The following GARNL3 variants were observed in gnomAD, a reference collection of about 807,000 sequenced individuals.
The protein encoded by GARNL3 is GTPase activating Rap/RanGAP domain like 3.
Under a neutral mutation model 125.0 loss-of-function variants are expected in GARNL3, and 63 were observed. The observed-to-expected ratio is 0.50, with a 90% CI of 0.41 to 0.62. The LOEUF (loss-of-function observed/expected upper bound fraction) is 0.62. Among genes scored for constraint, GARNL3 ranks in the 20% least tolerant of loss-of-function variants. The pLI is 0.00. For synonymous variants in GARNL3, 439 were observed against 457.5 expected, an observed-to-expected ratio of 0.96 and a Z score of 0.52; for missense variants, 994 against 1,244.0, an observed-to-expected ratio of 0.80 and a Z score of 3.02.
chr9:127,291,227 T>C lies in GARNL3; in HGVS notation c.204T>C (p.Asn68=), dbSNP rs1048325983. 15 of 1,613,924 alleles carry C rather than the reference T, an allele frequency of 9.3e-6. No homozygotes were observed. The highest frequency in any genetic ancestry group is 1.2e-5 in the Non-Finnish European group (14 of 1,179,970). Residue 68 remains asparagine, a synonymous_variant, in exon 2 of 28, where the codon AAT becomes AAC. Coordinates refer to ENST00000373387, the MANE Select transcript of GARNL3 (RefSeq NM_032293.5). ...IQRAGRFRVE[N]GSSDENATAL... ...GGGCTGGAAGATTCAGAGTGGAAAA[T>C]GGCTCTTCAGATGAGGTAAGGAAGC...
In GARNL3 at chr9:127,390,635, A is replaced by C; in HGVS notation, c.2744-6A>C. On this transcript the variant is annotated splice_region_variant and splice_polypyrimidine_tract_variant and intron_variant, in intron 26 of 27. Coordinates refer to ENST00000373387, the MANE Select transcript of GARNL3 (RefSeq NM_032293.5). ...GTGACCCTCTGACCTATGATTCTCA[A>C]TCCAGGCCTCTCGGATGAAGGTGGA... The C allele has an allele frequency of 1.9e-6, 3 of 1,613,810 alleles. No individual in the cohort carries two copies. The South Asian group carries it at 3.3e-5, about 18-fold the overall frequency.
At chr9:127,290,696 T>C (rs934526826) in intron 1 of GARNL3, among the ~76,000 whole-genome samples, 5 of 152,180 alleles carry the variant, frequency 3.3e-5, no homozygotes, top group African/African-American at 9.7e-5. Flanking sequence ...GAGGGACTAA[T>C]TGGCCTTTTG....
intron 2 of GARNL3, among the ~76,000 whole-genome samples, chr9:127,306,419 C>A (rs2064954928): frequency 1.3e-5 from 2 of 151,710 alleles, no homozygotes; most frequent in African/African-American, 4.8e-5. Context: ...CCCGTCTGTA[C>A]TAAAAATACA....
At chr9:127,354,052 T>C in intron 18 of GARNL3, 108 bp downstream of exon 18, 1 of 789,262 alleles carries the variant, frequency 1.3e-6, no homozygotes, top group East Asian at 2.5e-5. Flanking sequence ...TGCCAGCTGT[T>C]TCCTTTCCTG....
At position 127,293,375 on chromosome 9, in the gene GARNL3, A is replaced by G. The variant is rs78542232; in HGVS notation, c.219+2133A>G. ...GGATAATTAGACACTTATCAGATAT[A>G]TGATTGGGAAAAGTTTTCTCCTATT... On this transcript the variant is annotated intron_variant, in intron 2 of 27. Coordinates refer to ENST00000373387, the MANE Select transcript of GARNL3 (RefSeq NM_032293.5). Among the ~76,000 whole-genome samples the G allele has an allele frequency of 6.1e-3, 936 of 152,362 alleles. 4 individuals carry two copies. The highest frequency in any genetic ancestry group is 0.02 in the Middle Eastern group (6 of 294).
chr9:127,309,135 T>A (rs1304355845), intron 2 of GARNL3, among the ~76,000 whole-genome samples: 3 of 152,166 alleles, frequency 2.0e-5, no homozygotes, highest in Admixed American at 1.3e-4. Flanking sequence ...TACTCCTTAA[T>A]AGGCTTAAAA....
Position 127,277,669 on chromosome 9 carries a change from G to A in GARNL3, c.144+12648G>A, listed in dbSNP as rs2063991322. Among the ~76,000 whole-genome samples the A allele has an allele frequency of 2.0e-5, 3 of 152,024 alleles. No homozygotes were observed. The South Asian group carries it at 6.2e-4, about 32-fold the overall frequency. On this transcript the variant is annotated intron_variant, in intron 1 of 27. Coordinates refer to ENST00000373387, the MANE Select transcript of GARNL3 (RefSeq NM_032293.5). The stretch of plus-strand genomic sequence containing the variant: ...TATCTCTGAGCCTTACTTAGCTCAT[G>A]TGGCCCATGATCCAGCAAACGGACC...
At chr9:127,256,679 A>G (rs2063500511) in intron 2 of GARNL3, among the ~76,000 whole-genome samples, 1 of 152,184 alleles carries the variant, frequency 6.6e-6, no homozygotes, top group Non-Finnish European at 1.5e-5. Flanking sequence ...TAAACTTTTT[A>G]TTTTGAGATA....
In GARNL3 at chr9:127,318,274, C is replaced by T. The variant is rs2065295964; in HGVS notation, c.503+147C>T. ...TTTGCTAAGCACTTGACATGACGTG[C>T]ATCACCTCGTGTCATCATCACAGCA... On this transcript the variant is annotated intron_variant, in intron 5 of 27. Transcript: ENST00000373387. 9.0e-6 allele frequency: 6 copies of T among 668,288 alleles called. No homozygotes were observed. In the East Asian group the frequency reaches 1.3e-4, roughly 15 times the overall value. 41.4% of individuals were successfully genotyped at this position (668,288 alleles called of 1,614,324 possible).
chr9:127,380,024 A>T (rs1192618259), intron 22 of GARNL3, among the ~76,000 whole-genome samples: 1 of 152,022 alleles, frequency 6.6e-6, no homozygotes, highest in Non-Finnish European at 1.5e-5. Flanking sequence ...TACCAAAAAT[A>T]AAAAAATTAG....
chr9:127,355,586 C>A, intron 20 of GARNL3, 114 bp downstream of exon 20: 2 of 901,436 alleles, frequency 2.2e-6, no homozygotes, highest in Non-Finnish European at 3.6e-6. Context: ...TAGTAGCCAA[C>A]TAGGGAAACC....
chr9:127,231,049 T>TACAC, intron 1 of GARNL3, among the ~76,000 whole-genome samples: 1 of 44,078 alleles, frequency 2.3e-5, no homozygotes, highest in African/African-American at 1.1e-4. Flanking sequence ...TATATATATA[T>TACAC]ATTTTTTTTT....
intron 1 of GARNL3, among the ~76,000 whole-genome samples, chr9:127,238,428 G>C (rs2063149091): frequency 2.0e-5 from 3 of 152,076 alleles, no homozygotes; most frequent in Admixed American, 2.0e-4. Flanking sequence ...CCATCTCTTT[G>C]GACTCATAAT....
chr9:127,383,683 G>A (rs530441325), intron 23 of GARNL3, 138 bp downstream of exon 23: 30 of 546,396 alleles, frequency 5.5e-5, no homozygotes, highest in Middle Eastern at 3.3e-4. Flanking sequence ...TATTCACAGC[G>A]TTCTTTTTCT....
intron 2 of GARNL3, among the ~76,000 whole-genome samples, chr9:127,256,423 A>G (rs1304888719): frequency 2.6e-5 from 4 of 152,218 alleles, no homozygotes; most frequent in Non-Finnish European, 5.9e-5. Context: ...GGGGATAAAA[A>G]GAGGCTGTTT....
intron 1 of GARNL3, among the ~76,000 whole-genome samples, chr9:127,284,617 G>A (rs1299941367): frequency 6.6e-6 from 1 of 151,808 alleles, no homozygotes; most frequent in Non-Finnish European, 1.5e-5. Flanking sequence ...GATAATAAAA[G>A]CATTGAAAAT....
At chr9:127,293,945 C>T (rs1242364905) in intron 2 of GARNL3, among the ~76,000 whole-genome samples, 3 of 152,154 alleles carry the variant, frequency 2.0e-5, no homozygotes, top group African/African-American at 7.2e-5. Flanking sequence ...CTTGTGGTCA[C>T]CACACCTCAG....
intron 21 of GARNL3, among the ~76,000 whole-genome samples, chr9:127,361,550 A>G (rs1195524541): frequency 1.3e-5 from 2 of 152,252 alleles, no homozygotes; most frequent in East Asian, 3.8e-4. Context: ...ATATCAAAGC[A>G]TAAAATAGAT....
intron 2 of GARNL3, among the ~76,000 whole-genome samples, chr9:127,248,829 T>C (rs551461725): frequency 3.9e-5 from 6 of 152,054 alleles, no homozygotes; most frequent in African/African-American, 1.4e-4. Flanking sequence ...GGGCTGGTCT[T>C]GAACTCCTGA....
Sources: allele counts gnomAD v4.1 joint callset (sites outside exome capture counted in the v4.1 genomes callset), GRCh38; gene constraint gnomAD v4.1.1; transcripts MANE v1.5; gene names NCBI Gene and HGNC (gene_info 2026-07-23, HGNC 2026-07-21).